WWOX: variants seen among roughly 807,000 people sequenced by gnomAD.
The protein encoded by WWOX is WW domain containing oxidoreductase, also known as WW domain-containing oxidoreductase.
In WWOX, 69 loss-of-function variants were observed where a neutral mutation model predicts 46.2. The observed-to-expected ratio is 1.49, with a 90% CI of 1.23 to 1.82. The LOEUF is 1.82. Among genes scored for constraint, WWOX ranks in the 40% most tolerant of loss-of-function variants. WWOX has a pLI of 0.00. For synonymous variants in WWOX, 359 were observed against 202.6 expected (o/e 1.77, Z -6.56); for missense variants, 919 against 542.6 (o/e 1.69, Z -6.89).
chr16:78,124,055 G>C (rs1226376385), intron 4 of WWOX: 2 of 152,030 alleles, frequency 1.3e-5, no homozygotes, highest in Non-Finnish European at 1.5e-5. Flanking sequence ...TATTTCAGCT[G>C]TCAAATAGAA....
chr16:79,008,817 C>T (rs1442440739), intron 8 of WWOX, among the ~76,000 whole-genome samples: 2 of 152,184 alleles, frequency 1.3e-5, no homozygotes, highest in African/African-American at 4.8e-5. Context: ...CAAACGTGCA[C>T]CTGCAGCCGG....
At chr16:78,993,983 G>T (rs1405554160) in intron 8 of WWOX, among the ~76,000 whole-genome samples, 1 of 152,172 alleles carries the variant, frequency 6.6e-6, no homozygotes. Context: ...GCTCAGCCCT[G>T]TCCTAGAGAA....
At chr16:78,600,111 C>T (rs1423263537) in intron 8 of WWOX, among the ~76,000 whole-genome samples, 1 of 151,992 alleles carries the variant, frequency 6.6e-6, no homozygotes, top group Non-Finnish European at 1.5e-5. Flanking sequence ...CAGGGAAACT[C>T]CCCCTTATAA....
chr16:78,755,521 C>A (rs999845983), intron 8 of WWOX, among the ~76,000 whole-genome samples: 11 of 152,138 alleles, frequency 7.2e-5, no homozygotes, highest in Non-Finnish European at 1.5e-4. Context: ...GCCAGAGTGG[C>A]TGTATCCTGG....
chr16:78,667,132 C>G (rs763653031), intron 8 of WWOX, among the ~76,000 whole-genome samples: 3 of 152,166 alleles, frequency 2.0e-5, no homozygotes, highest in Non-Finnish European at 4.4e-5. Context: ...ACTTTTCACT[C>G]TCCTCCTCTC....
chr16:79,140,516 C>G (rs558071097), intron 8 of WWOX, among the ~76,000 whole-genome samples: 1 of 152,182 alleles, frequency 6.6e-6, no homozygotes, highest in Non-Finnish European at 1.5e-5. Context: ...TCTGGAAAAT[C>G]AGCAGAAAAC....
intron 8 of WWOX, among the ~76,000 whole-genome samples, chr16:78,828,941 A>C (rs887784093): frequency 2.6e-5 from 4 of 152,206 alleles, no homozygotes; most frequent in African/African-American, 9.6e-5. Context: ...AAACTTATAG[A>C]GGTTAAAGGG....
At chr16:78,376,343 T>C (rs2081825401) in intron 5 of WWOX, among the ~76,000 whole-genome samples, 1 of 152,192 alleles carries the variant, frequency 6.6e-6, no homozygotes, top group African/African-American at 2.4e-5. Context: ...AATACTATGT[T>C]TTTAGGAAAA....
rs1351329604 is a variant in WWOX at position 78,326,587 on chromosome 16, CCCG to C, written c.517-60271_517-60269del. 1.0e-4 allele frequency among the ~76,000 whole-genome samples: 11 copies of C among 106,328 alleles called. 2 individuals carry two copies. Among genetic ancestry groups the C allele is most frequent in the African/African-American group, 4.4e-4 (11 of 24,950 alleles). 69.8% of individuals were successfully genotyped at this position (106,328 alleles called of 152,430 possible). ...GCCTGCCCTCCCCCCGCCCCCCCCC[CCCG>C]CAATGCCTCAATCTGTGGCAGAGTT... On this transcript the variant is annotated intron_variant, in intron 5 of 8. Transcript: ENST00000566780.
rs2034391326 is a variant in WWOX, at chr16:78,151,130, GCTTCC to G, written c.410-13051_410-13047del. On this transcript the variant is annotated intron_variant, in intron 4 of 8. Coordinates refer to ENST00000566780, the MANE Select transcript of WWOX (RefSeq NM_016373.4). ...GGGTTTAAGTGATCCTCTTGCCTCAGCTTCCCAATGTGCTAGGATTACAGGCATGA... is the reference window on the plus strand; with the variant it reads ...GGGTTTAAGTGATCCTCTTGCCTCAGCAATGTGCTAGGATTACAGGCATGA... Among the ~76,000 whole-genome samples the G allele has an allele frequency of 9.2e-5, 14 of 151,478 alleles. No individual in the cohort carries two copies. The South Asian group carries it at 2.9e-3, about 32-fold the overall frequency.
chr16:78,233,226 C>T (rs1311666710), intron 5 of WWOX, among the ~76,000 whole-genome samples: 1 of 152,176 alleles, frequency 6.6e-6, no homozygotes, highest in African/African-American at 2.4e-5. Flanking sequence ...ACTGACATTT[C>T]ACAGATATGC....
At chr16:78,603,714 A>T (rs1250974960) in intron 8 of WWOX, among the ~76,000 whole-genome samples, 5 of 152,036 alleles carry the variant, frequency 3.3e-5, no homozygotes, top group Non-Finnish European at 5.9e-5. Context: ...TAAATATAAA[A>T]TAAAATAAAA....
At chr16:78,956,837 T>C (rs993572033) in intron 8 of WWOX, among the ~76,000 whole-genome samples, 52 of 152,252 alleles carry the variant, frequency 3.4e-4, no homozygotes, top group Non-Finnish European at 1.3e-4. Context: ...GTGCCCACTT[T>C]TGGAAATTGT....
At chr16:78,691,519 C>T (rs1449200284) in intron 8 of WWOX, among the ~76,000 whole-genome samples, 1 of 151,888 alleles carries the variant, frequency 6.6e-6, no homozygotes, top group Non-Finnish European at 1.5e-5. Flanking sequence ...CCAGTCTGGG[C>T]AACAACGTGA....
chr16:78,177,575 G>A (rs934190078), intron 5 of WWOX, among the ~76,000 whole-genome samples: 1 of 152,172 alleles, frequency 6.6e-6, no homozygotes, highest in African/African-American at 2.4e-5. Context: ...GTTTGTCCTG[G>A]GAATGGAGAT....
chr16:79,045,483 AAG>A (rs1192968086), intron 8 of WWOX, among the ~76,000 whole-genome samples: 1 of 152,296 alleles, frequency 6.6e-6, no homozygotes, highest in East Asian at 1.9e-4. Context: ...CCTCTCCAGA[AAG>A]AGAGACTATG....
chr16:78,539,991 C>G (rs773310353), intron 8 of WWOX, among the ~76,000 whole-genome samples: 2 of 135,968 alleles, frequency 1.5e-5, no homozygotes, highest in Non-Finnish European at 3.1e-5. Context: ...ACATCTCTCT[C>G]TCTCTTTCTC....
chr16:78,947,610 G>A (rs1314421265), intron 8 of WWOX, among the ~76,000 whole-genome samples: 2 of 152,136 alleles, frequency 1.3e-5, no homozygotes, highest in East Asian at 1.9e-4. Context: ...GTCTGTCCAC[G>A]CCACACTGTG....
At chr16:78,843,321 A>G (rs1288836317) in intron 8 of WWOX, among the ~76,000 whole-genome samples, 1 of 150,228 alleles carries the variant, frequency 6.7e-6, no homozygotes, top group Non-Finnish European at 1.5e-5. Context: ...TTGGGCTGGT[A>G]AAGCCACCTA....
Sources: gnomAD v4.1 joint callset for allele counts (sites outside exome capture counted in the v4.1 genomes callset) on GRCh38, gnomAD v4.1.1 for gene constraint, MANE v1.5 for transcripts, NCBI Gene and HGNC (gene_info 2026-07-23, HGNC 2026-07-21) for gene names.